NOSTRIN: variants seen among roughly 807,000 people sequenced by gnomAD.
NOSTRIN encodes nitric oxide synthase trafficking, also known as BM247 homolog.
In NOSTRIN, 63 loss-of-function variants were observed where a neutral mutation model predicts 59.0. The ratio of observed to expected loss-of-function variants is 1.07; its 90% CI spans 0.87 to 1.32. The LOEUF is 1.32. NOSTRIN is among the 40% of genes most tolerant of loss of function. The pLI, the probability that NOSTRIN is intolerant of heterozygous loss-of-function variation, is 0.00. For missense variants in NOSTRIN, 512 were observed against 473.1 expected (o/e 1.08, Z -0.76); for synonymous variants, 200 against 165.4 (o/e 1.21, Z -1.61).
chr2:168,811,780 T>G (rs1299872480), intron 2 of NOSTRIN, 128 bp downstream of exon 2: 2 of 500,282 alleles, frequency 4.0e-6, no homozygotes, highest in Non-Finnish European at 7.1e-6. Context: ...CTCGAGAGAT[T>G]GCTTGAAGAG....
chr2:168,860,998 C>G, intron 14 of NOSTRIN, 89 bp downstream of exon 14: 3 of 797,856 alleles, frequency 3.8e-6, no homozygotes, highest in Non-Finnish European at 6.5e-6. Context: ...GCCACTTTGA[C>G]CTGTATCTGT....
intron 13 of NOSTRIN, 135 bp from the exon 14 acceptor site, chr2:168,860,660 G>C (rs1689377868): frequency 3.3e-6 from 2 of 600,190 alleles, no homozygotes; most frequent in Non-Finnish European, 5.7e-6. Flanking sequence ...GACAGGGCAA[G>C]ACTCTGTCTA....
chr2:168,796,231 A>C (rs1685474462), upstream of NOSTRIN, among the ~76,000 whole-genome samples: 1 of 152,260 alleles, frequency 6.6e-6, no homozygotes. Context: ...GCCAAGGACT[A>C]GGCGTCGTCC....
intron 1 of NOSTRIN, among the ~76,000 whole-genome samples, chr2:168,808,851 C>CA: frequency 6.6e-6 from 1 of 152,020 alleles, no homozygotes; most frequent in South Asian, 2.1e-4. Flanking sequence ...TGTAATTAGA[C>CA]AAATGTTCAT....
At chr2:168,794,792 A>C (rs994260282), upstream of NOSTRIN, among the ~76,000 whole-genome samples, 2 of 151,486 alleles carry the variant, frequency 1.3e-5, no homozygotes, top group Non-Finnish European at 1.5e-5. Context: ...ATGGGATCTT[A>C]CCATGTTGCC....
chr2:168,864,340 G>A (rs570067601), intron 15 of NOSTRIN, among the ~76,000 whole-genome samples: 1 of 150,054 alleles, frequency 6.7e-6, no homozygotes, highest in African/African-American at 2.5e-5. Context: ...AGGCTAGAGT[G>A]CAGTGGCATG....
intron 7 of NOSTRIN, among the ~76,000 whole-genome samples, chr2:168,835,859 G>A (rs481067): frequency 6.6e-6 from 1 of 151,896 alleles, no homozygotes; most frequent in Non-Finnish European, 1.5e-5. Context: ...ATAATATTGG[G>A]GTACAGGAAC....
chr2:168,832,963 T>G (rs1412409711), intron 6 of NOSTRIN, among the ~76,000 whole-genome samples: 2 of 152,182 alleles, frequency 1.3e-5, no homozygotes, highest in Non-Finnish European at 2.9e-5. Flanking sequence ...TCTTTTAATA[T>G]TCAGCTTTCA....
Position 168,831,511 on chromosome 2 carries a change from A to T in NOSTRIN, c.382A>T (p.Ser128Cys), listed in dbSNP as rs200260642. ...TGAAAAGACAGCAAATCTTGTCATT[A>T]GCAACTGGAATCAGCAAATTAAGGC... The part of the protein sequence containing the change: ...EVEKTANLVI[S>C]NWNQQIKAKK... The change falls in exon 6 of 16, where the codon AGC becomes TGC. Residue 128 changes from serine (S) to cysteine (C), a missense_variant. Coordinates refer to ENST00000317647, the MANE Select transcript of NOSTRIN (RefSeq NM_001039724.4). 292 of 865,452 alleles carry T rather than the reference A, an allele frequency of 3.4e-4. 2 individuals carry two copies. Among genetic ancestry groups the T allele is most frequent in the Non-Finnish European group, 7.5e-5 (37 of 495,406 alleles). The allele number at this position is 865,452 out of a possible 1,614,324, so 53.6% of individuals were successfully genotyped here.
chr2:168,855,392 A>T lies in NOSTRIN; in HGVS notation c.896A>T (p.Lys299Met). Residue 299 changes from lysine to methionine, a missense_variant, in exon 11 of 16, where the codon AAG (lysine) becomes ATG (methionine). By Grantham distance (95) the Lys-to-Met change is moderately conservative. Transcript: ENST00000317647. ...AGTGCAATGGATAAAGAGAGACGAA[A>T]GTCTTTACTAAAACCAAAATTATTG... ...PNSAMDKERR[K>M]SLLKPKLLRL... 6.2e-7 allele frequency: 1 copy of T among 1,610,500 alleles called. No individual in the cohort carries two copies. The highest frequency in any genetic ancestry group is 8.5e-7 in the Non-Finnish European group (1 of 1,177,248).
chr2:168,842,899 A>G (rs2105717821), intron 7 of NOSTRIN, 93 bp from the exon 8 acceptor site: 2 of 786,644 alleles, frequency 2.5e-6, no homozygotes, highest in Admixed American at 2.0e-5. Flanking sequence ...GGTGAGAAAC[A>G]TATCATTGAG....
chr2:168,855,238 T>C, intron 10 of NOSTRIN, 114 bp from the exon 11 acceptor site: 1 of 517,010 alleles, frequency 1.9e-6, no homozygotes. Context: ...TTAAAAATTT[T>C]GTTTTATTTT....
At chr2:168,831,357 C>G (rs1687350646) in intron 5 of NOSTRIN, 115 bp from the exon 6 acceptor site, 3 of 647,296 alleles carry the variant, frequency 4.6e-6, no homozygotes, top group Non-Finnish European at 8.7e-6. Flanking sequence ...CAAATACCAT[C>G]ACATTGAGGG....
chr2:168,847,491 CAT>C (rs1688501336), intron 8 of NOSTRIN, among the ~76,000 whole-genome samples: 1 of 152,164 alleles, frequency 6.6e-6, no homozygotes, highest in Non-Finnish European at 1.5e-5. Flanking sequence ...CTAGAAAGAG[CAT>C]ATTTCTTTTA....
chr2:168,851,255 A>G (rs1235828785), intron 9 of NOSTRIN, 24 bp from the exon 10 acceptor site: 1 of 1,613,922 alleles, frequency 6.2e-7, no homozygotes, highest in African/African-American at 1.3e-5. Flanking sequence ...CGACAACCTT[A>G]TTCTGTTCCC....
At chr2:168,832,089 A>G (rs1687395237) in intron 6 of NOSTRIN, among the ~76,000 whole-genome samples, 1 of 152,120 alleles carries the variant, frequency 6.6e-6, no homozygotes, top group African/African-American at 2.4e-5. Context: ...GTGGGTAGTG[A>G]TATGTAAAAG....
At chr2:168,810,619 T>C (rs906984605) in intron 1 of NOSTRIN, among the ~76,000 whole-genome samples, 3 of 152,206 alleles carry the variant, frequency 2.0e-5, no homozygotes, top group African/African-American at 7.2e-5. Flanking sequence ...AACACTGGAA[T>C]AGGCTGGCTC....
intron 3 of NOSTRIN, among the ~76,000 whole-genome samples, chr2:168,825,582 G>A (rs905396938): frequency 1.1e-4 from 16 of 152,192 alleles, no homozygotes; most frequent in African/African-American, 3.6e-4. Flanking sequence ...TGTGTGTGGA[G>A]AGCTTAGCAC....
At position 168,863,497 on chromosome 2, in the gene NOSTRIN, TTCTAC is replaced by T. The variant is rs1350539995; in HGVS notation, c.1385-1335_1385-1331del. On this transcript the variant is annotated intron_variant, in intron 15 of 15. Transcript: ENST00000317647. The stretch of plus-strand genomic sequence containing the variant: ...AGATGATCCTGAAGGGGGCAGATCT[TTCTAC>T]TTTTATGACAAGAGCCATGTTTCTT... 4 of 985,292 alleles carry T rather than the reference TTCTAC, an allele frequency of 4.1e-6. No individual in the cohort carries two copies. The East Asian group carries it at 4.5e-4, about 112-fold the overall frequency. 61.0% of individuals were successfully genotyped at this position (985,292 alleles called of 1,614,324 possible).
Sources: gnomAD v4.1 joint callset for allele counts (sites outside exome capture counted in the v4.1 genomes callset) on GRCh38, gnomAD v4.1.1 for gene constraint, MANE v1.5 for transcripts, NCBI Gene and HGNC (gene_info 2026-07-23, HGNC 2026-07-21) for gene names.